RHOBTB1: variants seen among roughly 807,000 people sequenced by gnomAD.
RHOBTB1 encodes rho-related BTB domain-containing protein 1.
A neutral mutation model predicts 71.6 loss-of-function variants in RHOBTB1; 40 were observed. That is an observed-to-expected ratio of 0.56 (90% CI 0.43 to 0.73). The LOEUF (loss-of-function observed/expected upper bound fraction) is 0.73, where lower values mean the gene tolerates loss of function less well. Among genes scored for constraint, RHOBTB1 ranks in the 30% least tolerant of loss-of-function variants. The pLI is 0.00. For missense variants in RHOBTB1, 797 were observed against 894.0 expected (o/e 0.89, Z 1.38); for synonymous variants, 319 against 334.9 (o/e 0.95, Z 0.52).
Position 60,888,273 on chromosome 10 carries a change from T to C in RHOBTB1, c.1395A>G (p.Lys465=). ...GATTGGCTTTCCTTACGTGAAAGGC[T>C]TTCGTAATCTCCTGGTTCATGAAGG... is the stretch of plus-strand genomic sequence containing the variant. ...KEAFMNQEIT[K]AFHVRKANRI... The change falls in exon 6 of 11, where the codon AAA becomes AAG. Residue 465 remains lysine, a synonymous_variant. Coordinates refer to ENST00000337910, the MANE Select transcript of RHOBTB1 (RefSeq NM_014836.5). The C allele has an allele frequency of 6.2e-7, 1 of 1,614,058 alleles. No individual in the cohort carries two copies. Among genetic ancestry groups the C allele is most frequent in the Non-Finnish European group, 8.5e-7 (1 of 1,179,988 alleles).
intron 4 of RHOBTB1, among the ~76,000 whole-genome samples, chr10:60,896,660 T>C (rs1310880802): frequency 1.3e-5 from 2 of 152,234 alleles, no homozygotes; most frequent in African/African-American, 2.4e-5. Context: ...TAAGGATATA[T>C]GGTCTTAGTT....
intron 8 of RHOBTB1, among the ~76,000 whole-genome samples, chr10:60,877,650 A>G (rs1017106827): frequency 2.0e-5 from 3 of 152,222 alleles, no homozygotes; most frequent in African/African-American, 7.2e-5. Context: ...GTGTGCCTCA[A>G]GGGCAGGGGT....
downstream of RHOBTB1, among the ~76,000 whole-genome samples, chr10:60,864,966 C>T (rs930085899): frequency 3.9e-5 from 6 of 152,228 alleles, no homozygotes; most frequent in African/African-American, 1.4e-4. Context: ...GCTGGGATTA[C>T]AGGCTTTAGC....
chr10:60,886,726 G>C (rs10082528), intron 6 of RHOBTB1, among the ~76,000 whole-genome samples: 9 of 140,354 alleles, frequency 6.4e-5, no homozygotes, highest in South Asian at 2.4e-4. Context: ...GTGGGGGGGG[G>C]TGGGTCTGGC....
chr10:60,931,174 A>C (rs2084227773), intron 2 of RHOBTB1, among the ~76,000 whole-genome samples: 1 of 152,200 alleles, frequency 6.6e-6, no homozygotes, highest in Admixed American at 6.5e-5. Flanking sequence ...TTTTTAAAAA[A>C]ATGTGAGATA....
chr10:60,866,849 T>G (rs955355685), downstream of RHOBTB1, among the ~76,000 whole-genome samples: 2 of 152,114 alleles, frequency 1.3e-5, no homozygotes, highest in Non-Finnish European at 2.9e-5. Flanking sequence ...ACCACTGTCA[T>G]GAAGCACTAA....
intron 2 of RHOBTB1, among the ~76,000 whole-genome samples, chr10:60,983,243 C>A (rs1371269956): frequency 6.6e-6 from 1 of 152,038 alleles, no homozygotes; most frequent in Non-Finnish European, 1.5e-5. Flanking sequence ...GAAATGCTTC[C>A]TTAGGGCTAT....
chr10:60,916,295 C>T (rs2083266473), intron 2 of RHOBTB1, among the ~76,000 whole-genome samples: 2 of 152,146 alleles, frequency 1.3e-5, no homozygotes, highest in South Asian at 2.1e-4. Context: ...CATTGAAAAC[C>T]GCTGAGGCAG....
the RHOBTB1 span, among the ~76,000 whole-genome samples, chr10:60,863,673 C>T: frequency 1.3e-5 from 2 of 152,118 alleles, no homozygotes; most frequent in African/African-American, 2.4e-5. Context: ...GCTGGGACTA[C>T]AGGTGCCTGC....
intron 5 of RHOBTB1, 128 bp downstream of exon 5, chr10:60,892,682 C>G (rs990193582): frequency 2.1e-5 from 16 of 769,728 alleles, no homozygotes; most frequent in Non-Finnish European, 2.8e-5. Flanking sequence ...TATGGGCTGA[C>G]TTAAAACCCA....
At chr10:60,949,288 A>G (rs2085335514) in intron 2 of RHOBTB1, among the ~76,000 whole-genome samples, 1 of 152,144 alleles carries the variant, frequency 6.6e-6, no homozygotes, top group South Asian at 2.1e-4. Flanking sequence ...CTTTCATGTC[A>G]TGGATATGTC....
intron 4 of RHOBTB1, among the ~76,000 whole-genome samples, chr10:60,895,457 T>G (rs11812136): frequency 0.063 from 9,589 of 152,298 alleles, 318 homozygotes; most frequent in East Asian, 0.15. Context: ...CAGGCTGGAG[T>G]GCACTGGCAT....
chr10:60,897,116 C>CA (rs1199025611), intron 4 of RHOBTB1, among the ~76,000 whole-genome samples: 1 of 151,954 alleles, frequency 6.6e-6, no homozygotes, highest in African/African-American at 2.4e-5. Flanking sequence ...AAAAAAAATC[C>CA]AAAAAAAGTG....
intron 2 of RHOBTB1, among the ~76,000 whole-genome samples, chr10:60,930,320 G>A (rs1406509323): frequency 6.6e-6 from 1 of 152,156 alleles, no homozygotes; most frequent in Admixed American, 6.6e-5. Flanking sequence ...TTGTTGTGAA[G>A]ATTATATTAG....
chr10:60,974,370 TAAAA>T (rs1202982730), intron 2 of RHOBTB1, among the ~76,000 whole-genome samples: 2 of 152,052 alleles, frequency 1.3e-5, no homozygotes, highest in African/African-American at 2.4e-5. Flanking sequence ...AACTGCTTGA[TAAAA>T]TAACTATAGT....
chr10:60,980,052 A>G (rs948436540), intron 2 of RHOBTB1, among the ~76,000 whole-genome samples: 2 of 152,178 alleles, frequency 1.3e-5, no homozygotes, highest in African/African-American at 4.8e-5. Flanking sequence ...CAGGGAGCCA[A>G]TGGAGGTTCT....
Position 60,970,538 on chromosome 10 carries a change from C to T in RHOBTB1, c.-62+15307G>A, listed in dbSNP as rs115424389. The stretch of plus-strand genomic sequence containing the variant: ...TAATTGTATTAAGTTCAATGCTTCA[C>T]ATTTACCTGAGGAACTAATAAATTT... On this transcript the variant is annotated intron_variant, in intron 2 of 11. Transcript: ENST00000357917. Among the ~76,000 whole-genome samples the T allele has an allele frequency of 6.7e-3, 1,026 of 152,174 alleles. 8 individuals carry two copies. The highest frequency in any genetic ancestry group is 0.024 in the African/African-American group (992 of 41,532).
intron 2 of RHOBTB1, among the ~76,000 whole-genome samples, chr10:60,935,447 AT>A (rs911257865): frequency 3.4e-4 from 51 of 151,462 alleles, no homozygotes; most frequent in South Asian, 4.2e-4. Context: ...TATACTGATA[AT>A]TTTTTTTTAA....
chr10:60,914,650 T>A (rs1234439667), intron 2 of RHOBTB1, among the ~76,000 whole-genome samples: 3 of 152,170 alleles, frequency 2.0e-5, no homozygotes, highest in African/African-American at 7.2e-5. Context: ...ATAAGCTGAA[T>A]CATAGCAGCA....
Sources: gnomAD v4.1 joint callset for allele counts (sites outside exome capture counted in the v4.1 genomes callset) on GRCh38, gnomAD v4.1.1 for gene constraint, MANE v1.5 for transcripts, NCBI Gene and HGNC (gene_info 2026-07-23, HGNC 2026-07-21) for gene names.